KLF12: variants seen among roughly 807,000 people sequenced by gnomAD.
KLF12 encodes the protein KLF transcription factor 12.
A neutral mutation model predicts 37.8 loss-of-function variants in KLF12; 9 were observed. The ratio of observed to expected loss-of-function variants is 0.24; its 90% CI spans 0.14 to 0.42. KLF12 has a LOEUF of 0.42. Among genes scored for constraint, KLF12 ranks in the 10% least tolerant of loss-of-function variants. KLF12 has a pLI of 1.00. For synonymous variants in KLF12, 208 were observed against 202.1 expected (o/e 1.03, Z -0.25); for missense variants, 411 against 516.0 (o/e 0.80, Z 1.97).
chr13:73,692,181 C>T lies in KLF12; in HGVS notation c.*3309G>A, dbSNP rs1873861761. Reference sequence around the variant, plus strand: ...CTAACTGCCTTAATAGAACTTAAGACAAGTTATCAAGCAGGCTTCTCAGAG... The same window carrying T: ...CTAACTGCCTTAATAGAACTTAAGATAAGTTATCAAGCAGGCTTCTCAGAG... On this transcript the variant is annotated 3_prime_UTR_variant, in exon 8 of 8. Coordinates refer to ENST00000377669, the MANE Select transcript of KLF12 (RefSeq NM_007249.5). The T allele has an allele frequency of 6.6e-6, 1 of 152,184 alleles. No homozygotes were observed. Among genetic ancestry groups the T allele is most frequent in the African/African-American group, 2.4e-5 (1 of 41,510 alleles). 9.4% of individuals were successfully genotyped at this position (152,184 alleles called of 1,614,324 possible). A position where few individuals can be genotyped will look rare whatever the true frequency, so the allele number is the denominator to read the frequency against.
Position 73,706,012 on chromosome 13 carries a change from C to T in KLF12, c.1027+9356G>A, listed in dbSNP as rs1463363522. On this transcript the variant is annotated intron_variant, in intron 7 of 7. Transcript: ENST00000377669. ...ATTAAAAATACAAAAATTAGCTGGG[C>T]GTGGTGGCACACACTTGTAGTCCCA... 3.3e-5 allele frequency among the ~76,000 whole-genome samples: 5 copies of T among 152,122 alleles called. 1 individual carries two copies. Among genetic ancestry groups the T allele is most frequent in the Admixed American group, 1.3e-4 (2 of 15,276 alleles).
chr13:74,108,417 G>T (rs746257877), intron 1 of KLF12, among the ~76,000 whole-genome samples: 6 of 152,074 alleles, frequency 3.9e-5, no homozygotes, highest in Non-Finnish European at 8.8e-5. Flanking sequence ...TTAAGAGCAA[G>T]AAATAAAAGT....
the KLF12 span, among the ~76,000 whole-genome samples, chr13:74,149,880 C>T: frequency 6.6e-6 from 1 of 152,224 alleles, no homozygotes; most frequent in Non-Finnish European, 1.5e-5. Flanking sequence ...TGTGCACTTG[C>T]TATTCCATCT....
intron 6 of KLF12, among the ~76,000 whole-genome samples, chr13:73,738,124 TACACACACAC>T (rs199524649): frequency 1.2e-5 from 1 of 81,900 alleles, no homozygotes; most frequent in Non-Finnish European, 2.2e-5. Flanking sequence ...TATATATATA[TACACACACAC>T]ACATATATAT....
chr13:73,727,560 T>C (rs1876751339), intron 6 of KLF12, among the ~76,000 whole-genome samples: 1 of 152,218 alleles, frequency 6.6e-6, no homozygotes, highest in South Asian at 2.1e-4. Flanking sequence ...TTTGTCTATG[T>C]ATAATTATCT....
At chr13:74,269,356 A>C in the KLF12 span, among the ~76,000 whole-genome samples, 1 of 152,144 alleles carries the variant, frequency 6.6e-6, no homozygotes, top group Non-Finnish European at 1.5e-5. Flanking sequence ...TTTCATATAG[A>C]GCATACTGAG....
intron 3 of KLF12, among the ~76,000 whole-genome samples, chr13:73,886,064 A>C (rs1028307483): frequency 6.6e-6 from 1 of 152,134 alleles, no homozygotes; most frequent in African/African-American, 2.4e-5. Flanking sequence ...TAGAGGTCAG[A>C]ATCAAGGGAC....
At chr13:73,976,051 G>A (rs752323790) in intron 2 of KLF12, among the ~76,000 whole-genome samples, 11 of 151,548 alleles carry the variant, frequency 7.3e-5, no homozygotes, top group Non-Finnish European at 1.3e-4. Flanking sequence ...TTCATGGTTG[G>A]AAGCTCAGAA....
chr13:74,301,042 A>G, the KLF12 span, among the ~76,000 whole-genome samples: 1 of 152,188 alleles, frequency 6.6e-6, no homozygotes, highest in Non-Finnish European at 1.5e-5. Flanking sequence ...AAGATTCACT[A>G]TTATATTTCT....
chr13:73,800,206 C>G (rs1388591335), intron 5 of KLF12: 1 of 152,036 alleles, frequency 6.6e-6, no homozygotes, highest in Non-Finnish European at 1.5e-5. Context: ...AAACACTACT[C>G]TATTATACTT....
chr13:74,256,387 A>G, the KLF12 span, among the ~76,000 whole-genome samples: 1 of 152,186 alleles, frequency 6.6e-6, no homozygotes, highest in Non-Finnish European at 1.5e-5. Flanking sequence ...TGTACATTTC[A>G]AATCAAGAGG....
chr13:74,198,107 G>A, the KLF12 span, among the ~76,000 whole-genome samples: 1 of 152,092 alleles, frequency 6.6e-6, no homozygotes, highest in Non-Finnish European at 1.5e-5. Flanking sequence ...AATATCAAAA[G>A]CAAAGATGGG....
intron 4 of KLF12, among the ~76,000 whole-genome samples, chr13:73,834,654 G>C (rs1390441801): frequency 6.6e-6 from 1 of 152,214 alleles, no homozygotes; most frequent in Non-Finnish European, 1.5e-5. Context: ...GGGATTACAA[G>C]GCGTATGCCA....
chr13:73,736,242 A>C (rs1566329472), intron 6 of KLF12, among the ~76,000 whole-genome samples: 1 of 152,172 alleles, frequency 6.6e-6, no homozygotes, highest in African/African-American at 2.4e-5. Flanking sequence ...ACATAATGTA[A>C]TTCATTTGTA....
intron 1 of KLF12, among the ~76,000 whole-genome samples, chr13:74,042,280 G>C (rs1165478238): frequency 1.3e-5 from 2 of 150,356 alleles, no homozygotes; most frequent in Non-Finnish European, 2.9e-5. Context: ...CTCCAGCCTG[G>C]GTGACAAAGC....
At chr13:74,258,700 T>G in the KLF12 span, 1 of 152,142 alleles carries the variant, frequency 6.6e-6, no homozygotes. Context: ...GGGCAGTTAA[T>G]TCATAGGTTA....
chr13:73,727,839 A>G (rs1455948380), intron 6 of KLF12, among the ~76,000 whole-genome samples: 4 of 152,036 alleles, frequency 2.6e-5, no homozygotes, highest in Non-Finnish European at 4.4e-5. Flanking sequence ...CTGGGATTAC[A>G]GACGTGCAAC....
chr13:73,827,995 A>G (rs1883943262), intron 4 of KLF12, among the ~76,000 whole-genome samples: 1 of 152,054 alleles, frequency 6.6e-6, no homozygotes, highest in Non-Finnish European at 1.5e-5. Context: ...TTGCAAAGGT[A>G]TATTCTTTAT....
intron 1 of KLF12, among the ~76,000 whole-genome samples, chr13:74,021,695 C>T (rs1019402985): frequency 5.3e-5 from 8 of 152,248 alleles, no homozygotes; most frequent in South Asian, 2.1e-4. Context: ...TTCAGGAAGT[C>T]GCTTGCCAGT....
Sources: allele counts gnomAD v4.1 joint callset (sites outside exome capture counted in the v4.1 genomes callset), GRCh38; gene constraint gnomAD v4.1.1; transcripts MANE v1.5; gene names NCBI Gene and HGNC (gene_info 2026-07-23, HGNC 2026-07-21).